PRELID2: variants seen among roughly 807,000 people sequenced by gnomAD.
PRELID2 encodes PRELI domain-containing protein 2.
A neutral mutation model predicts 28.4 loss-of-function variants in PRELID2; 25 were observed. The observed-to-expected ratio is 0.88, with a 90% CI of 0.64 to 1.23. The LOEUF (loss-of-function observed/expected upper bound fraction) is 1.23. Ranked by LOEUF, PRELID2 falls within the 50% of genes most tolerant of loss-of-function variation. The probability of loss-of-function intolerance (pLI) is 0.00; values close to 1 mark genes in which losing one functional copy is unlikely to be tolerated. For synonymous variants in PRELID2, 76 were observed against 71.6 expected (o/e 1.06, Z -0.31); for missense variants, 201 against 214.4 (o/e 0.94, Z 0.39).
the PRELID2 span, among the ~76,000 whole-genome samples, chr5:145,244,998 G>A: frequency 2.0e-5 from 3 of 151,820 alleles, no homozygotes; most frequent in Admixed American, 6.6e-5. Context: ...TTTTTGTTCC[G>A]GCACATTTTT....
intron 1 of PRELID2, among the ~76,000 whole-genome samples, chr5:145,719,229 A>C (rs564457004): frequency 2.0e-5 from 3 of 152,100 alleles, no homozygotes; most frequent in African/African-American, 7.2e-5. Flanking sequence ...GGGGAGTAGC[A>C]TGTCTAAGAT....
chr5:145,797,127 A>G (rs1752813397), intron 4 of PRELID2, among the ~76,000 whole-genome samples: 1 of 152,162 alleles, frequency 6.6e-6, no homozygotes, highest in Non-Finnish European at 1.5e-5. Context: ...TTATATCAAT[A>G]TTAATTATCT....
intron 1 of PRELID2, among the ~76,000 whole-genome samples, chr5:145,500,059 G>C (rs1421005461): frequency 6.6e-6 from 1 of 152,164 alleles, no homozygotes; most frequent in Non-Finnish European, 1.5e-5. Context: ...TTCTGCCCTT[G>C]CTGTTGGAGA....
At chr5:145,671,617 T>C (rs1754707875) in intron 1 of PRELID2, among the ~76,000 whole-genome samples, 1 of 152,188 alleles carries the variant, frequency 6.6e-6, no homozygotes, top group Non-Finnish European at 1.5e-5. Flanking sequence ...GTCTATGGCA[T>C]ATAAACAATT....
At chr5:145,701,871 G>A (rs1414627256) in intron 1 of PRELID2, among the ~76,000 whole-genome samples, 3 of 152,028 alleles carry the variant, frequency 2.0e-5, no homozygotes, top group Non-Finnish European at 4.4e-5. Flanking sequence ...GACCAATGTG[G>A]TGAAACCCTG....
chr5:145,761,703 G>A (rs1158771228), intron 6 of PRELID2, among the ~76,000 whole-genome samples: 2 of 152,188 alleles, frequency 1.3e-5, no homozygotes, highest in East Asian at 3.8e-4. Flanking sequence ...ATAGTTAGAA[G>A]CATAGTTGTG....
intron 5 of PRELID2, among the ~76,000 whole-genome samples, chr5:145,792,382 C>T (rs556048459): frequency 9.8e-5 from 15 of 152,296 alleles, no homozygotes; most frequent in African/African-American, 3.6e-4. Flanking sequence ...AAGGACAGTG[C>T]TTGGCATCTA....
chr5:145,740,614 A>ATATAC (rs1756652538), intron 1 of PRELID2, among the ~76,000 whole-genome samples: 5 of 9,900 alleles, frequency 5.1e-4, no homozygotes, highest in Non-Finnish European at 2.3e-3. Context: ...TTATATATAT[A>ATATAC]AATATATATA....
chr5:145,707,150 C>G (rs1755570168), intron 1 of PRELID2, among the ~76,000 whole-genome samples: 1 of 152,228 alleles, frequency 6.6e-6, no homozygotes, highest in Non-Finnish European at 1.5e-5. Flanking sequence ...CACAATGACT[C>G]TGATTTTATA....
At chr5:145,330,455 G>T in the PRELID2 span, among the ~76,000 whole-genome samples, 1 of 152,132 alleles carries the variant, frequency 6.6e-6, no homozygotes, top group South Asian at 2.1e-4. Context: ...TTCAGAACTT[G>T]TTATTGGTCT....
At chr5:145,424,308 G>A in the PRELID2 span, among the ~76,000 whole-genome samples, 1 of 152,192 alleles carries the variant, frequency 6.6e-6, no homozygotes, top group Non-Finnish European at 1.5e-5. Context: ...ATCAAGCCTG[G>A]GCAATGGCGG....
chr5:145,622,258 T>A (rs1277545155), intron 1 of PRELID2, among the ~76,000 whole-genome samples: 1 of 152,172 alleles, frequency 6.6e-6, no homozygotes, highest in East Asian at 1.9e-4. Context: ...GTGGTAATAG[T>A]TGCACAACTA....
intron 2 of PRELID2, among the ~76,000 whole-genome samples, chr5:145,472,528 T>TA (rs1477275746): frequency 1.3e-5 from 2 of 152,170 alleles, no homozygotes; most frequent in Non-Finnish European, 2.9e-5. Flanking sequence ...TTTCCCATTA[T>TA]AATCCTAAGG....
At chr5:145,677,355 A>G (rs1165041138) in intron 1 of PRELID2, among the ~76,000 whole-genome samples, 2 of 151,968 alleles carry the variant, frequency 1.3e-5, no homozygotes, top group African/African-American at 4.8e-5. Context: ...GGGTTTCACC[A>G]TGTTGGCCAG....
At chr5:145,711,385 T>C (rs1755691137) in intron 1 of PRELID2, among the ~76,000 whole-genome samples, 1 of 152,174 alleles carries the variant, frequency 6.6e-6, no homozygotes. Flanking sequence ...AACATACCCA[T>C]GGCTGCTTTC....
intron 4 of PRELID2, among the ~76,000 whole-genome samples, chr5:145,804,652 C>G (rs983811035): frequency 6.6e-6 from 1 of 151,910 alleles, no homozygotes; most frequent in Admixed American, 6.6e-5. Context: ...AATATTAACC[C>G]GATTTTACAG....
At chr5:145,473,873 A>G (rs1256260074) in intron 1 of PRELID2, among the ~76,000 whole-genome samples, 1 of 152,236 alleles carries the variant, frequency 6.6e-6, no homozygotes, top group Non-Finnish European at 1.5e-5. Context: ...ATAAAAATAT[A>G]TACAACAACA....
the PRELID2 span, among the ~76,000 whole-genome samples, chr5:145,358,707 G>A: frequency 6.6e-6 from 1 of 152,118 alleles, no homozygotes; most frequent in Non-Finnish European, 1.5e-5. Context: ...AAGGGAAAAT[G>A]GTCCCTTCAA....
At chr5:145,575,582 C>T (rs762300468) in intron 1 of PRELID2, among the ~76,000 whole-genome samples, 1 of 152,168 alleles carries the variant, frequency 6.6e-6, no homozygotes, top group South Asian at 2.1e-4. Context: ...ACAGTCCTAG[C>T]ATTGCTTCAC....
Sources: gnomAD v4.1 joint callset for allele counts (sites outside exome capture counted in the v4.1 genomes callset) on GRCh38, gnomAD v4.1.1 for gene constraint, MANE v1.5 for transcripts, NCBI Gene and HGNC (gene_info 2026-07-23, HGNC 2026-07-21) for gene names.